GAB2: variants seen among roughly 807,000 people sequenced by gnomAD.
GAB2 encodes the protein GRB2-associated-binding protein 2.
Under a neutral mutation model 65.5 loss-of-function variants are expected in GAB2, and 26 were observed. The ratio of observed to expected loss-of-function variants is 0.40; its 90% CI spans 0.29 to 0.55. GAB2 has a LOEUF of 0.55. GAB2 is among the 20% of genes least tolerant of loss of function. The pLI is 0.53. For missense variants in GAB2, 884 were observed against 875.8 expected, an observed-to-expected ratio of 1.01 and a Z score of -0.12; for synonymous variants, 321 against 329.6, an observed-to-expected ratio of 0.97 and a Z score of 0.28.
At chr11:78,296,582 A>G (rs963356276) in intron 1 of GAB2, among the ~76,000 whole-genome samples, 10 of 152,164 alleles carry the variant, frequency 6.6e-5, no homozygotes, top group African/African-American at 2.4e-4. Flanking sequence ...TGCAAAAAAC[A>G]TGGTACCCGA....
intron 1 of GAB2, among the ~76,000 whole-genome samples, chr11:78,287,249 A>G (rs1028749555): frequency 5.9e-5 from 9 of 152,230 alleles, no homozygotes; most frequent in African/African-American, 2.2e-4. Context: ...GAGCAGCAAC[A>G]AAAGACCACT....
chr11:78,289,515 T>C (rs1184749909), intron 1 of GAB2, among the ~76,000 whole-genome samples: 1 of 152,176 alleles, frequency 6.6e-6, no homozygotes, highest in African/African-American at 2.4e-5. Flanking sequence ...GTTGAATGCT[T>C]TGACAGATAA....
chr11:78,254,782 A>G (rs1166559950), intron 2 of GAB2, among the ~76,000 whole-genome samples: 1 of 151,848 alleles, frequency 6.6e-6, no homozygotes, highest in Non-Finnish European at 1.5e-5. Flanking sequence ...AAGATGACAG[A>G]GTGACACCTT....
Position 78,360,393 on chromosome 11 carries a change from T to TA in GAB2, c.75+57252_75+57253insT. 8.5e-5 allele frequency among the ~76,000 whole-genome samples: 6 copies of TA among 70,756 alleles called. No individual in the cohort carries two copies. The South Asian group carries it at 2.7e-3, about 31-fold the overall frequency. The allele number at this position is 70,756 out of a possible 152,430, so 46.4% of individuals were successfully genotyped here. A position where few individuals can be genotyped will look rare whatever the true frequency, so the allele number is the denominator to read the frequency against. ...AATATGACGAAGCCCTGTTTCTGTA[T>TA]TTAAAAAAAAAAAAAAGAAGAAGAG... is the stretch of plus-strand genomic sequence containing the variant. On this transcript the variant is annotated intron_variant, in intron 1 of 9. Transcript: ENST00000361507.
At position 78,226,619 on chromosome 11, in the gene GAB2, G is replaced by GGGGGGGGGGGGGCCC; in HGVS notation, c.1052_1053insGGGCCCCCCCCCCCC (p.Pro351_Pro352insGlyProProProPro). 1 of 952,220 alleles carries GGGGGGGGGGGGGCCC rather than the reference G, an allele frequency of 1.1e-6. No homozygotes were observed. The highest frequency in any genetic ancestry group is 1.6e-6 in the Non-Finnish European group (1 of 620,398). 59.0% of individuals were successfully genotyped at this position (952,220 alleles called of 1,614,324 possible). ...GACTTGGCTTGGGGGGGCGGGGTGGGGGAGCTATGGCTGAGTCCCCAGGAG... is the reference window on the plus strand; with the variant it reads ...GACTTGGCTTGGGGGGGCGGGGTGGGGGGGGGGGGGGGCCCGGAGCTATGGCTGAGTCCCCAGGAG... On this transcript the variant is annotated inframe_insertion, in exon 4 of 10. Transcript: ENST00000361507.
At chr11:78,308,694 ATGG>A (rs1855424051) in intron 1 of GAB2, among the ~76,000 whole-genome samples, 1 of 152,220 alleles carries the variant, frequency 6.6e-6, no homozygotes, top group Admixed American at 6.5e-5. Context: ...ACACATACTT[ATGG>A]TAAAACTGCA....
chr11:78,411,944 C>T (rs1444678392), intron 1 of GAB2, among the ~76,000 whole-genome samples: 2 of 151,862 alleles, frequency 1.3e-5, no homozygotes, highest in South Asian at 2.1e-4. Context: ...GCAGGAGAAT[C>T]GCTTGAACCT....
chr11:78,325,371 A>C (rs1364192961), intron 1 of GAB2, among the ~76,000 whole-genome samples: 1 of 152,218 alleles, frequency 6.6e-6, no homozygotes, highest in East Asian at 1.9e-4. Flanking sequence ...CCAGAGAGGC[A>C]AAGTGATTTG....
chr11:78,309,971 T>TGTGTGTGTGTGTGTGTGTGTGCACGC (rs1421836447), intron 1 of GAB2, among the ~76,000 whole-genome samples: 68 of 120,178 alleles, frequency 5.7e-4, no homozygotes, highest in African/African-American at 2.3e-3. Context: ...TGTGTGTGTG[T>TGTGTGTGTGTGTGTGTGTGTGCACGC]GCGCGCGCGC....
intron 1 of GAB2, among the ~76,000 whole-genome samples, chr11:78,321,191 C>A (rs568478584): frequency 2.4e-4 from 37 of 152,168 alleles, no homozygotes; most frequent in Admixed American, 1.9e-3. Context: ...GATATGAGTA[C>A]CCCTGTACCA....
chr11:78,245,545 A>G (rs1345665375), intron 3 of GAB2, among the ~76,000 whole-genome samples: 1 of 152,190 alleles, frequency 6.6e-6, no homozygotes, highest in Non-Finnish European at 1.5e-5. Flanking sequence ...AGCTGGGAAA[A>G]TTTCTCACCA....
chr11:78,276,176 T>C (rs931936443), intron 2 of GAB2, among the ~76,000 whole-genome samples: 3 of 151,554 alleles, frequency 2.0e-5, no homozygotes, highest in Admixed American at 6.6e-5. Context: ...GGTGCATGCC[T>C]GTAGTCCCAG....
chr11:78,342,038 C>A (rs1856105271), intron 1 of GAB2, among the ~76,000 whole-genome samples: 2 of 152,188 alleles, frequency 1.3e-5, no homozygotes, highest in Admixed American at 1.3e-4. Flanking sequence ...AGAGCCAAAA[C>A]AATGAAATTA....
chr11:78,276,380 G>A (rs575591361), intron 2 of GAB2, among the ~76,000 whole-genome samples: 1 of 152,236 alleles, frequency 6.6e-6, no homozygotes, highest in African/African-American at 2.4e-5. Flanking sequence ...CAAATAGCTT[G>A]GATTACAGGC....
At chr11:78,347,167 C>CA (rs1565168495) in intron 1 of GAB2, among the ~76,000 whole-genome samples, 1 of 151,876 alleles carries the variant, frequency 6.6e-6, no homozygotes, top group African/African-American at 2.4e-5. Flanking sequence ...AAGAGGGCAC[C>CA]AAAAAAAGTT....
intron 1 of GAB2, among the ~76,000 whole-genome samples, chr11:78,317,852 T>TA (rs1379548971): frequency 6.6e-6 from 1 of 151,814 alleles, no homozygotes; most frequent in Non-Finnish European, 1.5e-5. Context: ...TGTCAACCAT[T>TA]AAAAAACAAG....
intron 3 of GAB2, among the ~76,000 whole-genome samples, chr11:78,239,920 C>T (rs938416800): frequency 2.6e-5 from 4 of 151,964 alleles, no homozygotes; most frequent in Non-Finnish European, 5.9e-5. Context: ...AGCCATGGCT[C>T]CCTTTCATTC....
At chr11:78,409,386 A>G (rs1235730520) in intron 1 of GAB2, among the ~76,000 whole-genome samples, 3 of 152,206 alleles carry the variant, frequency 2.0e-5, no homozygotes, top group Admixed American at 6.5e-5. Flanking sequence ...GGAGTTCGAG[A>G]CCAGTCTGGC....
Position 78,226,924 on chromosome 11 carries a change from T to G in GAB2, c.748A>C (p.Ser250Arg). The G allele has an allele frequency of 6.2e-7, 1 of 1,613,932 alleles. No homozygotes were observed. The highest frequency in any genetic ancestry group is 8.5e-7 in the Non-Finnish European group (1 of 1,179,936). ...TTGTGCCGGCTCGGCTTGGGAAGGC[T>G]ATAGAAGCCATGGACTTGACCACTG... ...GISGQVHGFY[S>R]LPKPSRHNTE... is the part of the protein sequence containing the mutation. Residue 250 changes from serine (S) to arginine (R), a missense_variant, in exon 4 of 10, where the codon AGC becomes CGC. Ser to Arg is a moderately radical substitution (Grantham distance 110). Transcript: ENST00000361507.
Sources: gnomAD v4.1 joint callset for allele counts (sites outside exome capture counted in the v4.1 genomes callset) on GRCh38, gnomAD v4.1.1 for gene constraint, MANE v1.5 for transcripts, NCBI Gene and HGNC (gene_info 2026-07-23, HGNC 2026-07-21) for gene names.